PRMT3: variants seen among roughly 807,000 people sequenced by gnomAD.
PRMT3 encodes protein arginine methyltransferase 3.
In PRMT3, 62 loss-of-function variants were observed where a neutral mutation model predicts 71.9. The ratio of observed to expected loss-of-function variants is 0.86; its 90% CI spans 0.70 to 1.07. The LOEUF (loss-of-function observed/expected upper bound fraction) is 1.07, where lower values mean the gene tolerates loss of function less well. Among genes scored for constraint, PRMT3 ranks in the 50% least tolerant of loss-of-function variants. The pLI is 0.00. For synonymous variants in PRMT3, 213 were observed against 220.4 expected (o/e 0.97, Z 0.30); for missense variants, 663 against 643.0 (o/e 1.03, Z -0.34).
chr11:20,470,918 TA>T (rs1850628843), intron 13 of PRMT3, among the ~76,000 whole-genome samples: 1 of 152,204 alleles, frequency 6.6e-6, no homozygotes, highest in Admixed American at 6.5e-5. Context: ...TACTTTTTAA[TA>T]ATCACCATTT....
At chr11:20,412,276 A>G (rs1044283940) in intron 9 of PRMT3, among the ~76,000 whole-genome samples, 6 of 152,118 alleles carry the variant, frequency 3.9e-5, no homozygotes, top group South Asian at 2.1e-4. Context: ...ATTTTTGCCA[A>G]TCATTACTAG....
chr11:20,426,912 C>T (rs957229703), intron 10 of PRMT3, 47 bp downstream of exon 10: 14 of 1,476,666 alleles, frequency 9.5e-6, no homozygotes, highest in African/African-American at 6.0e-5. Flanking sequence ...AATGAAAAAA[C>T]TTTTTTAAAG....
At chr11:20,487,550 G>T (rs78461161) in intron 13 of PRMT3, among the ~76,000 whole-genome samples, 2,912 of 152,228 alleles carry the variant, frequency 0.019, 112 homozygotes, top group African/African-American at 0.066. Context: ...GTGCATGAGG[G>T]GGACTACTAG....
At chr11:20,402,627 T>G (rs1848974512) in intron 7 of PRMT3, among the ~76,000 whole-genome samples, 1 of 152,174 alleles carries the variant, frequency 6.6e-6, no homozygotes, top group African/African-American at 2.4e-5. Flanking sequence ...TTTTATTAGC[T>G]TTAATTATCA....
chr11:20,405,911 A>T (rs1176894023), intron 8 of PRMT3: 1 of 151,804 alleles, frequency 6.6e-6, no homozygotes, highest in Non-Finnish European at 1.5e-5. Context: ...CTCCATCTCC[A>T]GAACTCTTCA....
chr11:20,460,128 T>G (rs1452795020), intron 11 of PRMT3, among the ~76,000 whole-genome samples: 1 of 152,232 alleles, frequency 6.6e-6, no homozygotes, highest in Non-Finnish European at 1.5e-5. Flanking sequence ...GAGAATAATT[T>G]AGTGCTGCTG....
At chr11:20,491,017 G>A (rs951983591) in intron 13 of PRMT3, among the ~76,000 whole-genome samples, 7 of 151,686 alleles carry the variant, frequency 4.6e-5, no homozygotes, top group African/African-American at 1.7e-4. Flanking sequence ...AGATCTATAG[G>A]TCTCCAAGGT....
intron 10 of PRMT3, among the ~76,000 whole-genome samples, chr11:20,444,089 GA>G (rs1013942367): frequency 6.6e-6 from 1 of 152,098 alleles, no homozygotes; most frequent in African/African-American, 2.4e-5. Context: ...TTCTCTGACA[GA>G]TATTTGTGAT....
chr11:20,435,490 AT>A (rs1451542288), intron 10 of PRMT3, among the ~76,000 whole-genome samples: 1 of 152,094 alleles, frequency 6.6e-6, no homozygotes, highest in Non-Finnish European at 1.5e-5. Flanking sequence ...CGCTCAGACC[AT>A]TTTTAGTTGA....
chr11:20,488,043 C>G (rs934243762), intron 13 of PRMT3, among the ~76,000 whole-genome samples: 7 of 152,240 alleles, frequency 4.6e-5, no homozygotes, highest in Admixed American at 2.6e-4. Context: ...CTCAATCTGG[C>G]AGTATCTCTT....
At chr11:20,451,415 T>A (rs1023326087) in intron 10 of PRMT3, among the ~76,000 whole-genome samples, 3 of 152,128 alleles carry the variant, frequency 2.0e-5, no homozygotes, top group Admixed American at 6.5e-5. Context: ...TCATGCACAT[T>A]ATGAATCTCT....
intron 15 of PRMT3, among the ~76,000 whole-genome samples, chr11:20,505,997 T>C (rs919297868): frequency 6.6e-6 from 1 of 152,138 alleles, no homozygotes. Flanking sequence ...TTGAGGAACT[T>C]GGGTTCTGGA....
chr11:20,490,527 A>C (rs1353534442), intron 13 of PRMT3, among the ~76,000 whole-genome samples: 2 of 150,100 alleles, frequency 1.3e-5, no homozygotes, highest in African/African-American at 5.1e-5. Context: ...CTGTAATCCC[A>C]GTGCTTTGGG....
At position 20,387,858 on chromosome 11, in the gene PRMT3, C is replaced by T. The variant is rs1848629398; in HGVS notation, c.28+84C>T. The T allele has an allele frequency of 4.6e-6, 7 of 1,531,092 alleles. No individual in the cohort carries two copies. Among genetic ancestry groups the T allele is most frequent in the Admixed American group, 2.0e-5 (1 of 50,752 alleles). The allele number at this position is 1,531,092 out of a possible 1,614,324, so 94.8% of individuals were successfully genotyped here. On this transcript the variant is annotated intron_variant, in intron 1 of 15. Coordinates refer to ENST00000331079, the MANE Select transcript of PRMT3 (RefSeq NM_005788.4). This position sits in a 1 kb window ranked among gnomAD's most constrained non-coding sequence, Gnocchi z 4.3. ...GGCCGGTGGAAGACCCTCCGGGACACGGGCCCGGGCAGGGTGGGGGGCTCG... is the reference window on the plus strand; with the variant it reads ...GGCCGGTGGAAGACCCTCCGGGACATGGGCCCGGGCAGGGTGGGGGGCTCG...
chr11:20,424,688 G>A (rs1411685006), intron 9 of PRMT3, among the ~76,000 whole-genome samples: 1 of 152,100 alleles, frequency 6.6e-6, no homozygotes, highest in African/African-American at 2.4e-5. Context: ...CTTTATCAAA[G>A]TTAAAAACTT....
chr11:20,444,421 C>T (rs190069562), intron 10 of PRMT3, among the ~76,000 whole-genome samples: 3 of 152,124 alleles, frequency 2.0e-5, no homozygotes, highest in East Asian at 1.9e-4. Context: ...TTGCTTTTTT[C>T]GTCAATAAGT....
At chr11:20,453,270 CAGG>C (rs982047571) in intron 11 of PRMT3, among the ~76,000 whole-genome samples, 1 of 145,354 alleles carries the variant, frequency 6.9e-6, no homozygotes, top group Non-Finnish European at 1.5e-5. Flanking sequence ...CACCTGAGGT[CAGG>C]AGTTCAAGAC....
intron 15 of PRMT3, among the ~76,000 whole-genome samples, chr11:20,501,758 C>T (rs1851463288): frequency 1.3e-5 from 2 of 152,118 alleles, no homozygotes; most frequent in Non-Finnish European, 2.9e-5. Context: ...TTTCCCTTTA[C>T]AATTCATGTA....
Position 20,424,012 on chromosome 11 carries a change from A to C in PRMT3, c.894-2754A>C, listed in dbSNP as rs570915305. On this transcript the variant is annotated intron_variant, in intron 9 of 15. Coordinates refer to ENST00000331079, the MANE Select transcript of PRMT3 (RefSeq NM_005788.4). ...ATCCTGGCTAACACGGTGAAACCCC[A>C]TATCTACTGAAAATACAAAAAATTA... 1.6e-4 allele frequency among the ~76,000 whole-genome samples: 24 copies of C among 151,818 alleles called. No homozygotes were observed. The East Asian group carries it at 4.6e-3, about 29-fold the overall frequency.
Sources: allele counts gnomAD v4.1 joint callset (sites outside exome capture counted in the v4.1 genomes callset), GRCh38; gene constraint gnomAD v4.1.1; non-coding constraint Gnocchi (gnomAD v3.1); transcripts MANE v1.5; gene names NCBI Gene and HGNC (gene_info 2026-07-23, HGNC 2026-07-21).